The following TPRG1 variants were observed in gnomAD, a reference collection of about 807,000 sequenced individuals.
The protein encoded by TPRG1 is tumor protein p63-regulated gene 1 protein.
A neutral mutation model predicts 29.3 loss-of-function variants in TPRG1; 29 were observed. That is an observed-to-expected ratio of 0.99 (90% CI 0.74 to 1.35). The LOEUF (loss-of-function observed/expected upper bound fraction) is 1.35, where lower values mean the gene tolerates loss of function less well. Among genes scored for constraint, TPRG1 ranks in the 40% most tolerant of loss-of-function variants. TPRG1 has a pLI of 0.00. For synonymous variants in TPRG1, 130 were observed against 116.8 expected, an observed-to-expected ratio of 1.11 and a Z score of -0.73; for missense variants, 327 against 335.0, an observed-to-expected ratio of 0.98 and a Z score of 0.19.
intron 5 of TPRG1, among the ~76,000 whole-genome samples, chr3:189,312,169 C>CTTTT (rs1722728909): frequency 1.5e-5 from 1 of 66,124 alleles, no homozygotes. Flanking sequence ...TTCTTTCTTT[C>CTTTT]TTTCTTTCTT....
At chr3:189,129,174 C>G (rs774649132) in intron 2 of TPRG1, among the ~76,000 whole-genome samples, 3 of 152,186 alleles carry the variant, frequency 2.0e-5, no homozygotes, top group Non-Finnish European at 4.4e-5. Flanking sequence ...TTCAGAGTCC[C>G]ACGTTGCCTT....
At chr3:189,068,957 T>C (rs1440688197) in intron 4 of TPRG1, among the ~76,000 whole-genome samples, 1 of 152,104 alleles carries the variant, frequency 6.6e-6, no homozygotes, top group African/African-American at 2.4e-5. Context: ...GTTAAAACAA[T>C]TGGATTCATG....
At chr3:189,242,176 A>G (rs1359363542) in intron 4 of TPRG1, among the ~76,000 whole-genome samples, 1 of 152,096 alleles carries the variant, frequency 6.6e-6, no homozygotes, top group African/African-American at 2.4e-5. Context: ...AGATTTCTCG[A>G]TATCATATAT....
At chr3:189,222,135 T>C (rs1311447906) in intron 3 of TPRG1, among the ~76,000 whole-genome samples, 1 of 152,208 alleles carries the variant, frequency 6.6e-6, no homozygotes, top group Non-Finnish European at 1.5e-5. Flanking sequence ...CAGATCTTTC[T>C]CTGGTTTTTG....
At chr3:189,157,141 T>C (rs1167830386) in intron 5 of TPRG1, among the ~76,000 whole-genome samples, 6 of 152,198 alleles carry the variant, frequency 3.9e-5, no homozygotes, top group South Asian at 4.1e-4. Flanking sequence ...GCCAATGTTT[T>C]CAAAGAGGCT....
intron 4 of TPRG1, among the ~76,000 whole-genome samples, chr3:189,090,680 T>A (rs918152873): frequency 2.0e-5 from 3 of 152,098 alleles, no homozygotes; most frequent in Admixed American, 6.6e-5. Flanking sequence ...GCCTTTTATA[T>A]TAACGTTAAT....
At chr3:189,137,696 A>G (rs1278724857) in intron 3 of TPRG1, among the ~76,000 whole-genome samples, 2 of 152,118 alleles carry the variant, frequency 1.3e-5, no homozygotes, top group Non-Finnish European at 2.9e-5. Context: ...CAGGAGGCCT[A>G]TTTTGATAGG....
upstream of TPRG1, among the ~76,000 whole-genome samples, chr3:189,097,001 C>T (rs1718722520): frequency 6.6e-6 from 1 of 152,070 alleles, no homozygotes; most frequent in Admixed American, 6.5e-5. Context: ...ACATTTTGTA[C>T]TCAGTTATAT....
At chr3:189,250,458 T>C (rs2108996181) in intron 4 of TPRG1, among the ~76,000 whole-genome samples, 1 of 149,226 alleles carries the variant, frequency 6.7e-6, no homozygotes, top group South Asian at 2.1e-4. Context: ...GAAAGCCCTT[T>C]GTAATGTGCC....
intron 1 of TPRG1, among the ~76,000 whole-genome samples, chr3:189,111,898 G>C (rs1720575432): frequency 6.6e-6 from 1 of 152,086 alleles, no homozygotes; most frequent in South Asian, 2.1e-4. Flanking sequence ...TTGGGGAAAA[G>C]CATTCAGTTT....
intron 1 of TPRG1, among the ~76,000 whole-genome samples, chr3:189,181,799 C>G (rs1730259293): frequency 6.6e-6 from 1 of 152,178 alleles, no homozygotes; most frequent in African/African-American, 2.4e-5. Context: ...CCCTACTCTA[C>G]TAGTACCAAT....
chr3:189,272,719 C>CTTT (rs1560633401), intron 4 of TPRG1, among the ~76,000 whole-genome samples: 1 of 121,930 alleles, frequency 8.2e-6, no homozygotes, highest in Admixed American at 8.1e-5. Flanking sequence ...CTTTCTCCTT[C>CTTT]CTTCCTTCCT....
chr3:189,151,123 A>T (rs908500831), intron 5 of TPRG1: 4 of 152,246 alleles, frequency 2.6e-5, no homozygotes, highest in African/African-American at 9.6e-5. Context: ...ATAAAAGTTC[A>T]GTGCTGGCTC....
intron 1 of TPRG1, among the ~76,000 whole-genome samples, chr3:189,118,376 GC>G (rs1393161589): frequency 6.6e-6 from 1 of 152,196 alleles, no homozygotes; most frequent in Non-Finnish European, 1.5e-5. Flanking sequence ...AAAATTTGCA[GC>G]CTAACAATGT....
chr3:189,299,683 G>T (rs1346367884), intron 4 of TPRG1, among the ~76,000 whole-genome samples: 4 of 147,636 alleles, frequency 2.7e-5, no homozygotes, highest in African/African-American at 1.0e-4. Context: ...CAACCGATTT[G>T]ACCATGAACT....
intron 5 of TPRG1, among the ~76,000 whole-genome samples, chr3:189,166,420 A>T (rs1355347648): frequency 6.6e-6 from 1 of 152,206 alleles, no homozygotes; most frequent in East Asian, 1.9e-4. Flanking sequence ...ATAGAATGAC[A>T]ACCTAGAAGA....
intron 5 of TPRG1, among the ~76,000 whole-genome samples, chr3:189,154,300 A>G (rs950686603): frequency 1.4e-4 from 21 of 152,180 alleles, no homozygotes; most frequent in Admixed American, 2.6e-4. Context: ...CAGAGAAGTA[A>G]TTTTATTCAT....
At chr3:189,007,470 A>C (rs1164301086) in intron 3 of TPRG1, among the ~76,000 whole-genome samples, 38 of 151,814 alleles carry the variant, frequency 2.5e-4, no homozygotes, top group Non-Finnish European at 4.7e-4. Context: ...TAGTTCAACG[A>C]TTGTGGAAGT....
intron 3 of TPRG1, among the ~76,000 whole-genome samples, chr3:189,234,031 C>T (rs1003124915): frequency 6.6e-6 from 1 of 152,128 alleles, no homozygotes; most frequent in Non-Finnish European, 1.5e-5. Context: ...CCAACACACC[C>T]AGCTATCTTT....
Sources: allele counts gnomAD v4.1 joint callset (sites outside exome capture counted in the v4.1 genomes callset), GRCh38; gene constraint gnomAD v4.1.1; transcripts MANE v1.5; gene names NCBI Gene and HGNC (gene_info 2026-07-23, HGNC 2026-07-21).